LAMC3: variants seen among roughly 807,000 people sequenced by gnomAD.
LAMC3 encodes laminin subunit gamma 3, also known as laminin subunit gamma-3.
LAMC3 carries 128 observed loss-of-function variants against 173.8 expected under a neutral mutation model. The ratio of observed to expected loss-of-function variants is 0.74; its 90% CI spans 0.64 to 0.85. LAMC3 has a LOEUF of 0.85. Ranked by LOEUF, LAMC3 falls within the 40% of genes least tolerant of loss-of-function variation. The pLI is 0.00. For synonymous variants in LAMC3, 897 were observed against 909.1 expected (o/e 0.99, Z 0.24); for missense variants, 2,022 against 2,156.0 (o/e 0.94, Z 1.23).
Position 131,026,656 on chromosome 9 carries a change from C to T in LAMC3, c.678+67C>T, listed in dbSNP as rs1050098423. ...GACTGGGTCACGGCAGTAGGAGGGTCTGATGTGCCAGGACACACAGGGTGG... is the reference window on the plus strand; with the variant it reads ...GACTGGGTCACGGCAGTAGGAGGGTTTGATGTGCCAGGACACACAGGGTGG... On this transcript the variant is annotated intron_variant, in intron 2 of 27. Coordinates refer to ENST00000361069, the MANE Select transcript of LAMC3 (RefSeq NM_006059.4). The surrounding 1 kb of genome is among the most constrained non-coding windows in gnomAD (Gnocchi z 4.8). The T allele has an allele frequency of 2.7e-6, 4 of 1,474,276 alleles. No homozygotes were observed. The highest frequency in any genetic ancestry group is 3.6e-6 in the Non-Finnish European group (4 of 1,114,688). The allele number at this position is 1,474,276 out of a possible 1,614,324, so 91.3% of individuals were successfully genotyped here. A position where few individuals can be genotyped will look rare whatever the true frequency, so the allele number is the denominator to read the frequency against.
chr9:131,034,553 G>A (rs182545958), intron 3 of LAMC3, among the ~76,000 whole-genome samples: 4 of 152,152 alleles, frequency 2.6e-5, no homozygotes, highest in East Asian at 1.9e-4. Context: ...CAGGGTCCAC[G>A]TGGAGTCGAT....
chr9:131,039,329 C>T (rs1834003030), intron 6 of LAMC3, 81 bp downstream of exon 6: 23 of 1,153,538 alleles, frequency 2.0e-5, no homozygotes, highest in Middle Eastern at 3.9e-4. Context: ...AGCAGTCCCT[C>T]CCCTCCCCAT....
intron 4 of LAMC3, 89 bp downstream of exon 4, chr9:131,036,421 C>G: frequency 6.7e-7 from 1 of 1,492,588 alleles, no homozygotes; most frequent in Non-Finnish European, 9.2e-7. Context: ...GTGGTGGGGG[C>G]TGCTCCTGGG....
intron 2 of LAMC3, among the ~76,000 whole-genome samples, chr9:131,028,901 G>A (rs978746722): frequency 1.3e-5 from 2 of 152,130 alleles, no homozygotes; most frequent in Non-Finnish European, 2.9e-5. Flanking sequence ...GGGCTCAAGC[G>A]ATCCTCCCAC....
intron 1 of LAMC3, among the ~76,000 whole-genome samples, chr9:131,022,375 C>T (rs551456196): frequency 7.2e-5 from 11 of 151,734 alleles, no homozygotes; most frequent in Admixed American, 3.9e-4. Context: ...TGAGCCACCA[C>T]GGCCAGCCCG....
intron 7 of LAMC3, among the ~76,000 whole-genome samples, chr9:131,042,907 A>G (rs1834081308): frequency 6.6e-6 from 1 of 151,656 alleles, no homozygotes; most frequent in African/African-American, 2.4e-5. Context: ...AGACATCACT[A>G]ATGGAGCACC....
At chr9:131,038,399 C>G (rs1198058240) in intron 4 of LAMC3, among the ~76,000 whole-genome samples, 1 of 152,224 alleles carries the variant, frequency 6.6e-6, no homozygotes, top group Non-Finnish European at 1.5e-5. Context: ...GTCCTGCACA[C>G]AGACTTTTAA....
At chr9:131,040,223 G>A (rs1403527525) in intron 6 of LAMC3, among the ~76,000 whole-genome samples, 3 of 151,638 alleles carry the variant, frequency 2.0e-5, no homozygotes, top group Admixed American at 2.0e-4. Context: ...TGTCACCCAG[G>A]CTGAAGTGCA....
At chr9:131,012,062 T>TACACACACACACACACACACAC (rs33965311) in intron 1 of LAMC3, among the ~76,000 whole-genome samples, 3 of 138,400 alleles carry the variant, frequency 2.2e-5, no homozygotes, top group African/African-American at 7.9e-5. Flanking sequence ...CACACACACA[T>TACACACACACACACACACACAC]ACACACACAC....
In LAMC3 at chr9:131,052,483, G is replaced by C. The variant is rs1408224345; in HGVS notation, c.1631-8G>C. The C allele has an allele frequency of 1.2e-6, 2 of 1,611,886 alleles. No homozygotes were observed. The highest frequency in any genetic ancestry group is 1.6e-4 in the Middle Eastern group (1 of 6,084). On this transcript the variant is annotated splice_region_variant and splice_polypyrimidine_tract_variant and intron_variant, in intron 9 of 27. Coordinates refer to ENST00000361069, the MANE Select transcript of LAMC3 (RefSeq NM_006059.4). ...AAGACTGTCAAAGCCTTCTTCTCTT[G>C]TCTTCAGAGAAGTTCCTGGGAGACC...
At position 131,091,710 on chromosome 9, in the gene LAMC3, G is replaced by C. The variant is rs369055185; in HGVS notation, c.4651G>C (p.Ala1551Pro). Reference sequence around the variant, plus strand: ...GATCCAGGGCTTCGAGAGTGACCTCGCCGAGATCCGCGCCGACAAACAGAA... The same window carrying C: ...GATCCAGGGCTTCGAGAGTGACCTCCCCGAGATCCGCGCCGACAAACAGAA... ...LQIQGFESDLAEIRADKQNLE... is the reference protein window; with the variant it reads ...LQIQGFESDLPEIRADKQNLE... The change falls in exon 28 of 28, where the codon GCC becomes CCC. Residue 1551 changes from alanine (A) to proline (P), a missense_variant. Physicochemically the swap from Ala to Pro is conservative, Grantham distance 27 (BLOSUM62 -1). Coordinates refer to ENST00000361069, the MANE Select transcript of LAMC3 (RefSeq NM_006059.4). The C allele has an allele frequency of 6.2e-7, 1 of 1,612,318 alleles. No individual in the cohort carries two copies. Among genetic ancestry groups the C allele is most frequent in the South Asian group, 1.1e-5 (1 of 90,734 alleles).
rs547608545 is a variant in LAMC3 at position 131,052,835 on chromosome 9, C to T, written c.1824-15C>T. Reference sequence around the variant, plus strand: ...CCCTATGTCGGGATCTCACTTTGACCGCTTCTCTCGCCAGCCTGCAGGAGA... The same window carrying T: ...CCCTATGTCGGGATCTCACTTTGACTGCTTCTCTCGCCAGCCTGCAGGAGA... On this transcript the variant is annotated splice_polypyrimidine_tract_variant and intron_variant, in intron 10 of 27. Coordinates refer to ENST00000361069, the MANE Select transcript of LAMC3 (RefSeq NM_006059.4). The T allele has an allele frequency of 7.0e-6, 11 of 1,573,592 alleles. No homozygotes were observed. The highest frequency in any genetic ancestry group is 2.2e-5 in the East Asian group (1 of 44,684).
intron 8 of LAMC3, among the ~76,000 whole-genome samples, chr9:131,046,180 C>CTTTTTTTTT (rs61108655): frequency 6.5e-5 from 5 of 76,508 alleles, no homozygotes; most frequent in African/African-American, 2.7e-4. Context: ...AGTTTTGCTC[C>CTTTTTTTTT]TTTTTTTTTT....
rs534807004 is a variant in LAMC3 at position 131,087,462 on chromosome 9, C to T, written c.4231-14C>T. 233 of 1,613,686 alleles carry T rather than the reference C, an allele frequency of 1.4e-4. 1 individual carries two copies. The South Asian group carries it at 2.3e-3, about 16-fold the overall frequency. The stretch of plus-strand genomic sequence containing the variant: ...ACTCACTTCTTCTCCCTGCCACTGC[C>T]ACCCATCCCATAGCTTGCCAAGGCC... On this transcript the variant is annotated splice_polypyrimidine_tract_variant and intron_variant, in intron 25 of 27. Coordinates refer to ENST00000361069, the MANE Select transcript of LAMC3 (RefSeq NM_006059.4).
intron 7 of LAMC3, 59 bp from the exon 8 acceptor site, chr9:131,045,465 C>CCCGCCCCTTCCTGGCT: frequency 6.2e-7 from 1 of 1,604,842 alleles, no homozygotes; most frequent in South Asian, 1.1e-5. Flanking sequence ...ATACCCTGGC[C>CCCGCCCCTTCCTGGCT]CCGCCCCTTC....
In LAMC3 at chr9:131,056,441, A is replaced by G. The variant is rs59137822; in HGVS notation, c.1940-488A>G. Among the ~76,000 whole-genome samples, 1,379 of 146,622 alleles carry G rather than the reference A, an allele frequency of 9.4e-3. 23 individuals are homozygous for G. Among genetic ancestry groups the G allele is most frequent in the African/African-American group, 0.032 (1,252 of 39,706 alleles). ...TTCCATAAAATTCTCAGCCATATCT[A>G]TTTCTTCTTGAAAATTGCCTAATCA... On this transcript the variant is annotated intron_variant, in intron 11 of 27. Coordinates refer to ENST00000361069, the MANE Select transcript of LAMC3 (RefSeq NM_006059.4).
intron 3 of LAMC3, among the ~76,000 whole-genome samples, chr9:131,035,299 G>A (rs1588144367): frequency 6.6e-6 from 1 of 152,080 alleles, no homozygotes; most frequent in South Asian, 2.1e-4. Flanking sequence ...TCCACAGGCT[G>A]TACAGGAATC....
At position 131,018,716 on chromosome 9, in the gene LAMC3, T is replaced by C. The variant is rs572500764; in HGVS notation, c.374-7569T>C. 9.0e-4 allele frequency among the ~76,000 whole-genome samples: 137 copies of C among 152,228 alleles called. 2 individuals are homozygous for C. Among genetic ancestry groups the C allele is most frequent in the Non-Finnish European group, 1.6e-4 (11 of 68,006 alleles). Reference sequence around the variant, plus strand: ...TCTAGCTCCCATGCACCCCTGCTCATCCCACCCGCTTACTGGACCACATGC... The same window carrying C: ...TCTAGCTCCCATGCACCCCTGCTCACCCCACCCGCTTACTGGACCACATGC... On this transcript the variant is annotated intron_variant, in intron 1 of 27. Transcript: ENST00000361069.
chr9:131,048,254 G>A (rs1181697147), intron 8 of LAMC3, among the ~76,000 whole-genome samples: 3 of 151,732 alleles, frequency 2.0e-5, no homozygotes, highest in African/African-American at 4.8e-5. Flanking sequence ...ATGGGGTTTC[G>A]CCATGTTGGC....
Sources: allele counts gnomAD v4.1 joint callset (sites outside exome capture counted in the v4.1 genomes callset), GRCh38; gene constraint gnomAD v4.1.1; non-coding constraint Gnocchi (gnomAD v3.1); transcripts MANE v1.5; gene names NCBI Gene and HGNC (gene_info 2026-07-23, HGNC 2026-07-21).